CYRIA: variants seen among roughly 807,000 people sequenced by gnomAD.
The protein encoded by CYRIA is CYFIP-related Rac1 interactor A.
Under a neutral mutation model 43.9 loss-of-function variants are expected in CYRIA, and 15 were observed. The observed-to-expected ratio is 0.34, with a 90% confidence interval of 0.23 to 0.53. The LOEUF is 0.53. CYRIA is among the 20% of genes least tolerant of loss of function. The pLI is 0.94. For synonymous variants in CYRIA, 117 were observed against 136.0 expected (o/e 0.86, Z 0.97); for missense variants, 236 against 394.2 (o/e 0.60, Z 3.40).
At chr2:16,634,937 G>A (rs1317844389) in intron 1 of CYRIA, among the ~76,000 whole-genome samples, 1 of 152,206 alleles carries the variant, frequency 6.6e-6, no homozygotes, top group Non-Finnish European at 1.5e-5. Flanking sequence ...AAGCATTTAG[G>A]AGCAAACCAC....
chr2:16,630,110 T>A (rs755750407), intron 1 of CYRIA, among the ~76,000 whole-genome samples: 1 of 152,172 alleles, frequency 6.6e-6, no homozygotes, highest in Non-Finnish European at 1.5e-5. Flanking sequence ...AGGCATGGTC[T>A]AGACATCACC....
intron 3 of CYRIA, among the ~76,000 whole-genome samples, chr2:16,568,038 T>C (rs1381246372): frequency 6.6e-6 from 1 of 151,844 alleles, no homozygotes; most frequent in Non-Finnish European, 1.5e-5. Flanking sequence ...CTGGAGACAG[T>C]AAGGGAAAAA....
In CYRIA at chr2:16,638,484, A is replaced by G. The variant is rs141389422; in HGVS notation, c.-166-14465T>C. On this transcript the variant is annotated intron_variant, in intron 1 of 11. Coordinates refer to ENST00000381323, the MANE Select transcript of CYRIA (RefSeq NM_030797.4). ...TGCACCACTAAGGGATGCTGTGAGG[A>G]TGTGAAGTAGGAATAGGGTGTTCAG... Among the ~76,000 whole-genome samples the G allele has an allele frequency of 2.0e-3, 305 of 152,168 alleles. 3 individuals are homozygous for G. The highest frequency in any genetic ancestry group is 7.1e-3 in the African/African-American group (295 of 41,518).
At chr2:16,614,358 C>G (rs1668706189) in intron 2 of CYRIA, among the ~76,000 whole-genome samples, 1 of 152,134 alleles carries the variant, frequency 6.6e-6, no homozygotes, top group African/African-American at 2.4e-5. Flanking sequence ...AAGCCAAGAC[C>G]ACAATTAAAC....
At chr2:16,557,186 C>T (rs1017872064) in intron 10 of CYRIA, among the ~76,000 whole-genome samples, 1 of 152,168 alleles carries the variant, frequency 6.6e-6, no homozygotes, top group Non-Finnish European at 1.5e-5. Flanking sequence ...GCTTGTGCCG[C>T]CTTGGTAGCC....
At chr2:16,564,791 T>C (rs1445060774) in intron 4 of CYRIA, among the ~76,000 whole-genome samples, 2 of 152,164 alleles carry the variant, frequency 1.3e-5, no homozygotes, top group Non-Finnish European at 1.5e-5. Context: ...ATTGCGAAGT[T>C]GCAAAAGTCA....
chr2:16,658,244 G>A (rs543772112), intron 1 of CYRIA, among the ~76,000 whole-genome samples: 2 of 152,180 alleles, frequency 1.3e-5, no homozygotes, highest in South Asian at 4.2e-4. Context: ...GACTATGTGG[G>A]GCTTTTTCAG....
At position 16,650,438 on chromosome 2, in the gene CYRIA, G is replaced by C. The variant is rs1367513995; in HGVS notation, c.-167+15342C>G. On this transcript the variant is annotated intron_variant, in intron 1 of 11. Transcript: ENST00000381323. The surrounding 1 kb of genome is among the most constrained non-coding windows in gnomAD (Gnocchi z 4.1). Reference sequence around the variant, plus strand: ...AAACTGCAGATCGATTAAAACACTAGCAAATCATAAAGGTTTCATTGGTCT... The same window carrying C: ...AAACTGCAGATCGATTAAAACACTACCAAATCATAAAGGTTTCATTGGTCT... Among the ~76,000 whole-genome samples the C allele has an allele frequency of 1.3e-5, 2 of 152,194 alleles. No homozygotes were observed. The highest frequency in any genetic ancestry group is 4.8e-5 in the African/African-American group (2 of 41,436).
At chr2:16,646,655 G>A (rs1417553815) in intron 1 of CYRIA, among the ~76,000 whole-genome samples, 1 of 152,180 alleles carries the variant, frequency 6.6e-6, no homozygotes, top group Non-Finnish European at 1.5e-5. Context: ...CTGGAGCATG[G>A]GGTACCCAGA....
At chr2:16,564,690 G>A (rs1666865977) in intron 4 of CYRIA, among the ~76,000 whole-genome samples, 1 of 152,108 alleles carries the variant, frequency 6.6e-6, no homozygotes, top group Non-Finnish European at 1.5e-5. Flanking sequence ...GTGTGTATGT[G>A]TGTATTGGCA....
chr2:16,649,768 GGTTATACAGTACAGGGGACA>G (rs1007971213), intron 1 of CYRIA, among the ~76,000 whole-genome samples: 2 of 152,124 alleles, frequency 1.3e-5, no homozygotes, highest in East Asian at 1.9e-4. Flanking sequence ...TACAGGGCAT[GGTTATACAGTACAGGGGACA>G]GTTATACAGT....
chr2:16,573,169 T>G (rs550946791), intron 3 of CYRIA, among the ~76,000 whole-genome samples: 2 of 152,218 alleles, frequency 1.3e-5, no homozygotes, highest in African/African-American at 4.8e-5. Context: ...TTACATTTCA[T>G]GCCCAGCCCT....
At chr2:16,630,530 C>T (rs1318497825) in intron 1 of CYRIA, among the ~76,000 whole-genome samples, 2 of 152,150 alleles carry the variant, frequency 1.3e-5, no homozygotes, top group African/African-American at 2.4e-5. Context: ...GGTGAGTGCA[C>T]CCATGTTCAG....
At chr2:16,632,637 C>A (rs1669363031) in intron 1 of CYRIA, among the ~76,000 whole-genome samples, 1 of 152,184 alleles carries the variant, frequency 6.6e-6, no homozygotes, top group Admixed American at 6.5e-5. Flanking sequence ...TTTCACAAAG[C>A]AGGCACGGGG....
At chr2:16,564,619 G>A (rs1000821852) in intron 4 of CYRIA, among the ~76,000 whole-genome samples, 21 of 152,086 alleles carry the variant, frequency 1.4e-4, no homozygotes, top group Non-Finnish European at 2.4e-4. Context: ...GACGGTGGTG[G>A]TGTTCTTTTC....
chr2:16,577,287 T>C (rs1346020809), intron 3 of CYRIA, among the ~76,000 whole-genome samples: 1 of 152,138 alleles, frequency 6.6e-6, no homozygotes, highest in African/African-American at 2.4e-5. Context: ...GAGAAATATC[T>C]ATACATACTA....
intron 2 of CYRIA, among the ~76,000 whole-genome samples, 183 bp downstream of exon 2, chr2:16,623,681 C>T (rs1669070172): frequency 6.6e-6 from 1 of 152,162 alleles, no homozygotes; most frequent in South Asian, 2.1e-4. Context: ...TTCCTTAACC[C>T]TCAAAAGCCT....
At chr2:16,582,036 C>T (rs1032430140) in intron 3 of CYRIA, among the ~76,000 whole-genome samples, 1 of 152,104 alleles carries the variant, frequency 6.6e-6, no homozygotes, top group Non-Finnish European at 1.5e-5. Context: ...TGATCAGTAG[C>T]TGTTTTTGGG....
chr2:16,584,665 G>A (rs945679798), intron 3 of CYRIA, among the ~76,000 whole-genome samples: 1 of 152,106 alleles, frequency 6.6e-6, no homozygotes, highest in Non-Finnish European at 1.5e-5. Context: ...TTCATCCGCC[G>A]TTTCTCTCCA....
Sources: allele counts gnomAD v4.1 joint callset (sites outside exome capture counted in the v4.1 genomes callset), GRCh38; gene constraint gnomAD v4.1.1; non-coding constraint Gnocchi (gnomAD v3.1); transcripts MANE v1.5; gene names NCBI Gene and HGNC (gene_info 2026-07-23, HGNC 2026-07-21).